The following SYT1 variants were observed in gnomAD, a reference collection of about 807,000 sequenced individuals.
The protein encoded by SYT1 is synaptotagmin 1, also known as synaptotagmin-1.
SYT1 carries 8 observed loss-of-function variants against 44.8 expected under a neutral mutation model. The observed-to-expected ratio is 0.18, with a 90% CI of 0.10 to 0.32. SYT1 has a LOEUF of 0.32. SYT1 is among the 10% of genes least tolerant of loss of function. SYT1 has a pLI of 1.00. For missense variants in SYT1, 286 were observed against 509.3 expected (o/e 0.56, Z 4.22); for synonymous variants, 154 against 188.8 (o/e 0.82, Z 1.51).
At chr12:79,155,867 T>C (rs933424359) in intron 3 of SYT1, among the ~76,000 whole-genome samples, 1 of 152,176 alleles carries the variant, frequency 6.6e-6, no homozygotes, top group Non-Finnish European at 1.5e-5. Context: ...TTGAATACTT[T>C]CAACCAACCA....
chr12:79,251,437 G>A (rs2138693820), intron 4 of SYT1, among the ~76,000 whole-genome samples: 1 of 152,216 alleles, frequency 6.6e-6, no homozygotes, highest in South Asian at 2.1e-4. Flanking sequence ...AAGAGAAAAT[G>A]GAAATTTGAG....
At chr12:79,283,224 T>G (rs1430488295) in intron 4 of SYT1, among the ~76,000 whole-genome samples, 1 of 152,174 alleles carries the variant, frequency 6.6e-6, no homozygotes, top group Non-Finnish European at 1.5e-5. Flanking sequence ...TTCTGTTAAT[T>G]TCATTATATT....
At chr12:79,026,354 CAA>C (rs948255735) in intron 2 of SYT1, among the ~76,000 whole-genome samples, 1 of 151,210 alleles carries the variant, frequency 6.6e-6, no homozygotes, top group Non-Finnish European at 1.5e-5. Context: ...AGTAAAGATC[CAA>C]AGAGTTAGTT....
chr12:79,035,161 C>A (rs994371309), intron 2 of SYT1, among the ~76,000 whole-genome samples: 2 of 151,632 alleles, frequency 1.3e-5, no homozygotes, highest in Admixed American at 6.6e-5. Flanking sequence ...TCACGCCGAA[C>A]CCCAACATAC....
At position 79,117,115 on chromosome 12, in the gene SYT1, A is replaced by C. The variant is rs190133044; in HGVS notation, c.-18+69753A>C. 3.3e-3 allele frequency among the ~76,000 whole-genome samples: 498 copies of C among 152,308 alleles called. 3 individuals carry two copies. The highest frequency in any genetic ancestry group is 0.011 in the African/African-American group (469 of 41,574). ...TACTGGAGAGATTAATCTACCAGCAATATACAAAGACAGATTAGTGAGAGA... is the reference window on the plus strand; with the variant it reads ...TACTGGAGAGATTAATCTACCAGCACTATACAAAGACAGATTAGTGAGAGA... On this transcript the variant is annotated intron_variant, in intron 3 of 10. Transcript: ENST00000261205.
At chr12:79,047,645 AAAG>A (rs982117733) in intron 3 of SYT1, among the ~76,000 whole-genome samples, 2 of 151,874 alleles carry the variant, frequency 1.3e-5, no homozygotes, top group African/African-American at 4.8e-5. Flanking sequence ...CTTAAATTCT[AAAG>A]AAGAAAACAG....
chr12:79,239,037 C>T (rs1360995611), intron 4 of SYT1, among the ~76,000 whole-genome samples: 8 of 152,170 alleles, frequency 5.3e-5, no homozygotes, highest in Non-Finnish European at 1.5e-5. Context: ...ATCCTATATT[C>T]TGTGGTGGCA....
At chr12:78,876,725 T>A (rs1284492371) in intron 1 of SYT1, among the ~76,000 whole-genome samples, 2 of 113,448 alleles carry the variant, frequency 1.8e-5, no homozygotes, top group Admixed American at 2.4e-4. Context: ...TTATATAATA[T>A]AATTATATAT....
At chr12:78,868,660 A>G (rs1320535308) in intron 1 of SYT1, 1 of 151,898 alleles carries the variant, frequency 6.6e-6, no homozygotes, top group African/African-American at 2.4e-5. Flanking sequence ...ACTCATGGAC[A>G]GTAGACTATA....
intron 1 of SYT1, among the ~76,000 whole-genome samples, chr12:78,890,052 A>C (rs1874963641): frequency 6.6e-6 from 1 of 151,928 alleles, no homozygotes; most frequent in Non-Finnish European, 1.5e-5. Context: ...AAAAAGTTCA[A>C]ATTTTATGGC....
chr12:79,285,652 G>A (rs1879271928), intron 4 of SYT1, 135 bp from the exon 5 acceptor site: 1 of 623,746 alleles, frequency 1.6e-6, no homozygotes, highest in Non-Finnish European at 2.8e-6. Context: ...AAAGTACTGA[G>A]GAATGGTGTA....
intron 9 of SYT1, among the ~76,000 whole-genome samples, chr12:79,420,195 G>A (rs563945865): frequency 6.6e-6 from 1 of 152,148 alleles, no homozygotes; most frequent in African/African-American, 2.4e-5. Flanking sequence ...GGAATGTAGG[G>A]TATGCACAAT....
chr12:78,935,719 G>C (rs1173474683), intron 1 of SYT1, among the ~76,000 whole-genome samples: 1 of 152,026 alleles, frequency 6.6e-6, no homozygotes, highest in Admixed American at 6.5e-5. Context: ...ATTTGCCAAT[G>C]AAAGGCTCTT....
chr12:78,938,467 C>T (rs1878181878), intron 1 of SYT1, among the ~76,000 whole-genome samples: 1 of 152,130 alleles, frequency 6.6e-6, no homozygotes, highest in Non-Finnish European at 1.5e-5. Context: ...TGTTTCACTG[C>T]TATTATATTG....
At chr12:78,885,612 C>T (rs1874704650) in intron 1 of SYT1, among the ~76,000 whole-genome samples, 1 of 151,986 alleles carries the variant, frequency 6.6e-6, no homozygotes, top group Admixed American at 6.6e-5. Context: ...TCAGGCCATG[C>T]CTGGTGATTT....
chr12:78,929,854 A>T (rs1565722406), intron 1 of SYT1, among the ~76,000 whole-genome samples: 2 of 152,202 alleles, frequency 1.3e-5, no homozygotes. Context: ...TGACTTACAG[A>T]TACTTATAAT....
chr12:79,277,534 C>A (rs1878803493), intron 4 of SYT1, among the ~76,000 whole-genome samples: 2 of 151,944 alleles, frequency 1.3e-5, no homozygotes, highest in African/African-American at 4.8e-5. Context: ...AACATCAAAG[C>A]AAAAGGTTGA....
chr12:79,257,371 TGC>T (rs907497853), intron 4 of SYT1, among the ~76,000 whole-genome samples: 2 of 152,264 alleles, frequency 1.3e-5, no homozygotes, highest in African/African-American at 2.4e-5. Context: ...TTTATCATCT[TGC>T]CAGTGGTACT....
At chr12:79,065,335 G>A (rs555872863) in intron 3 of SYT1, among the ~76,000 whole-genome samples, 1 of 152,278 alleles carries the variant, frequency 6.6e-6, no homozygotes, top group African/African-American at 2.4e-5. Context: ...AGGCTGCAGT[G>A]AGCCTTTAGT....
Sources: allele counts gnomAD v4.1 joint callset (sites outside exome capture counted in the v4.1 genomes callset), GRCh38; gene constraint gnomAD v4.1.1; transcripts MANE v1.5; gene names NCBI Gene and HGNC (gene_info 2026-07-23, HGNC 2026-07-21).